Variants in CHST8 observed in about 807,000 individuals in gnomAD.
CHST8 encodes the protein GALNAC-4-ST1.
Under a neutral mutation model 15.0 loss-of-function variants are expected in CHST8, and 10 were observed. That is an observed-to-expected ratio of 0.67 (90% CI 0.41 to 1.13). The LOEUF (loss-of-function observed/expected upper bound fraction) is 1.13, where lower values mean the gene tolerates loss of function less well. Ranked by LOEUF, CHST8 falls within the 50% of genes most tolerant of loss-of-function variation. The pLI is 0.00. For missense variants in CHST8, 634 were observed against 608.2 expected, an observed-to-expected ratio of 1.04 and a Z score of -0.45; for synonymous variants, 259 against 256.6, an observed-to-expected ratio of 1.01 and a Z score of -0.09.
At position 33,765,070 on chromosome 19, in the gene CHST8, A is replaced by ATATATATATATATATATGTATG. The variant is rs71181381; in HGVS notation, c.131-6340_131-6339insATATATATATATATGTATGTAT. ...TATTCCATCATATATATATATATAT[A>ATATATATATATATATATGTATG]TATCAGAGTTTCTTTATCCACTCGT... is the stretch of plus-strand genomic sequence containing the variant. On this transcript the variant is annotated intron_variant, in intron 3 of 4. Transcript: ENST00000650847. 1.4e-4 allele frequency among the ~76,000 whole-genome samples: 16 copies of ATATATATATATATATATGTATG among 113,194 alleles called. 1 individual carries two copies. Among genetic ancestry groups the ATATATATATATATATATGTATG allele is most frequent in the Middle Eastern group, 4.1e-3 (1 of 244 alleles). The allele number at this position is 113,194 out of a possible 152,430, so 74.3% of individuals were successfully genotyped here.
At chr19:33,676,229 G>A (rs1407238594) in intron 2 of CHST8, among the ~76,000 whole-genome samples, 1 of 152,202 alleles carries the variant, frequency 6.6e-6, no homozygotes, top group Non-Finnish European at 1.5e-5. Context: ...AAATTGGAAG[G>A]TCTAAAGGTC....
chr19:33,772,744 A>G lies in CHST8; in HGVS notation c.956A>G (p.His319Arg), dbSNP rs1975029420. 6.2e-7 allele frequency: 1 copy of G among 1,613,284 alleles called. No homozygotes were observed. The highest frequency in any genetic ancestry group is 8.5e-7 in the Non-Finnish European group (1 of 1,179,980). Residue 319 changes from histidine (H) to arginine (R), a missense_variant, in exon 5 of 5, where the codon CAC becomes CGC. Physicochemically the swap from His to Arg is conservative, Grantham distance 29. Coordinates refer to ENST00000650847, the MANE Select transcript of CHST8 (RefSeq NM_001127895.2). Reference protein sequence around the residue: ...PEFVQYLLDVHRPVGMDIHWD... With the variant: ...PEFVQYLLDVRRPVGMDIHWD... ...TTCGTCCAGTACCTGCTGGACGTGC[A>G]CCGGCCCGTGGGGATGGACATTCAC...
At chr19:33,639,914 A>G (rs1202427728) in intron 1 of CHST8, among the ~76,000 whole-genome samples, 3 of 148,116 alleles carry the variant, frequency 2.0e-5, no homozygotes, top group African/African-American at 7.5e-5. Flanking sequence ...ATCTCGGCTT[A>G]CTGCAACCTC....
intron 3 of CHST8, among the ~76,000 whole-genome samples, chr19:33,756,436 T>C (rs998948883): frequency 6.6e-5 from 10 of 152,294 alleles, no homozygotes; most frequent in African/African-American, 2.4e-4. Context: ...AGCTGACAGC[T>C]GCTACCTGCA....
At chr19:33,626,118 G>A (rs772638748) in intron 1 of CHST8, among the ~76,000 whole-genome samples, 3 of 152,130 alleles carry the variant, frequency 2.0e-5, no homozygotes, top group African/African-American at 7.2e-5. Context: ...CAGAGGATGC[G>A]GCAGACGCCA....
intron 3 of CHST8, among the ~76,000 whole-genome samples, chr19:33,769,679 A>T (rs1347556002): frequency 6.6e-6 from 1 of 150,440 alleles, no homozygotes; most frequent in Non-Finnish European, 1.5e-5. Context: ...GATTCTAAAG[A>T]CTCCTCTCTC....
intron 1 of CHST8, among the ~76,000 whole-genome samples, chr19:33,662,315 C>T (rs534591915): frequency 1.6e-4 from 24 of 152,268 alleles, no homozygotes; most frequent in Non-Finnish European, 2.8e-4. Flanking sequence ...TGGATTCAAA[C>T]GATCTGCCAG....
chr19:33,664,363 C>G (rs1972625912), intron 1 of CHST8, among the ~76,000 whole-genome samples: 1 of 151,060 alleles, frequency 6.6e-6, no homozygotes, highest in Non-Finnish European at 1.5e-5. Context: ...TATACACGTG[C>G]CATGCTGATG....
intron 3 of CHST8, among the ~76,000 whole-genome samples, chr19:33,712,454 T>C (rs1007720673): frequency 3.3e-5 from 5 of 152,128 alleles, no homozygotes; most frequent in Admixed American, 3.3e-4. Flanking sequence ...GAGGATGTCA[T>C]GGGTTTGTTT....
chr19:33,757,087 G>A (rs934680955), intron 3 of CHST8, among the ~76,000 whole-genome samples: 15 of 152,132 alleles, frequency 9.9e-5, no homozygotes, highest in African/African-American at 2.4e-4. Context: ...TGGGCTGGGC[G>A]GAGGAAGAGC....
chr19:33,719,036 G>A (rs914967144), intron 3 of CHST8, among the ~76,000 whole-genome samples: 2 of 151,956 alleles, frequency 1.3e-5, no homozygotes, highest in Admixed American at 6.6e-5. Context: ...CTGGGCTCCC[G>A]GGACTGGGTG....
intron 3 of CHST8, among the ~76,000 whole-genome samples, chr19:33,718,179 G>A (rs1973699302): frequency 6.6e-6 from 1 of 151,870 alleles, no homozygotes; most frequent in Admixed American, 6.6e-5. Context: ...CAGGGGTGCA[G>A]TAGGGGATAG....
intron 2 of CHST8, among the ~76,000 whole-genome samples, chr19:33,679,707 C>T (rs545630109): frequency 5.3e-5 from 8 of 152,224 alleles, no homozygotes; most frequent in African/African-American, 1.2e-4. Flanking sequence ...TCTGGGGTGG[C>T]GCTTATTTCT....
intron 1 of CHST8, among the ~76,000 whole-genome samples, chr19:33,635,091 T>C (rs1160747822): frequency 6.6e-6 from 1 of 152,176 alleles, no homozygotes; most frequent in African/African-American, 2.4e-5. Context: ...AGGAGCCCCC[T>C]GATCCCCCGA....
intron 1 of CHST8, among the ~76,000 whole-genome samples, chr19:33,650,557 T>G (rs1345210732): frequency 3.0e-5 from 4 of 132,722 alleles, no homozygotes; most frequent in African/African-American, 8.4e-5. Flanking sequence ...TGAGACATAG[T>G]CTCTCACTCT....
rs55655047 is a variant in CHST8, at chr19:33,633,774, C to CGTGTGTGT, written c.-164+11511_-164+11518dup. On this transcript the variant is annotated intron_variant, in intron 1 of 4. Transcript: ENST00000650847. ...GGTACTGTTGAACAGTTTTCTTTTTCGTGTGTGTGTGTGTGTGTGTGTGTG... is the reference window on the plus strand; with the variant it reads ...GGTACTGTTGAACAGTTTTCTTTTTCGTGTGTGTGTGTGTGTGTGTGTGTGTGTGTGTG... Among the ~76,000 whole-genome samples, 1,042 of 141,142 alleles carry CGTGTGTGT rather than the reference C, an allele frequency of 7.4e-3. 12 individuals are homozygous for CGTGTGTGT. The highest frequency in any genetic ancestry group is 0.015 in the African/African-American group (577 of 38,600). 92.6% of individuals were successfully genotyped at this position (141,142 alleles called of 152,430 possible). A position where few individuals can be genotyped will look rare whatever the true frequency, so the allele number is the denominator to read the frequency against.
At chr19:33,641,821 G>A (rs1249366507) in intron 1 of CHST8, among the ~76,000 whole-genome samples, 1 of 152,100 alleles carries the variant, frequency 6.6e-6, no homozygotes, top group Non-Finnish European at 1.5e-5. Context: ...AGGGATGAGG[G>A]TTTCCAGGGT....
At chr19:33,673,345 T>A (rs1233272074) in intron 2 of CHST8, among the ~76,000 whole-genome samples, 3 of 152,330 alleles carry the variant, frequency 2.0e-5, no homozygotes, top group Middle Eastern at 3.4e-3. Flanking sequence ...ATGCCTGCAG[T>A]GACTTGCCTG....
chr19:33,735,977 C>T (rs1390637277), intron 3 of CHST8, among the ~76,000 whole-genome samples: 1 of 152,250 alleles, frequency 6.6e-6, no homozygotes. Context: ...AATGTCCTTA[C>T]AAAAGAGACT....
Sources: gnomAD v4.1 joint callset for allele counts (sites outside exome capture counted in the v4.1 genomes callset) on GRCh38, gnomAD v4.1.1 for gene constraint, MANE v1.5 for transcripts, NCBI Gene and HGNC (gene_info 2026-07-23, HGNC 2026-07-21) for gene names.